FREM1: variants seen among roughly 807,000 people sequenced by gnomAD.
The protein encoded by FREM1 is FRAS1 related extracellular matrix 1.
Under a neutral mutation model 210.1 loss-of-function variants are expected in FREM1, and 220 were observed. The ratio of observed to expected loss-of-function variants is 1.05; its 90% confidence interval spans 0.94 to 1.17. The LOEUF (loss-of-function observed/expected upper bound fraction) is 1.17, where lower values mean the gene tolerates loss of function less well. Ranked by LOEUF, FREM1 falls within the 50% of genes most tolerant of loss-of-function variation. The pLI is 0.00. For synonymous variants in FREM1, 1,189 were observed against 980.2 expected, an observed-to-expected ratio of 1.21 and a Z score of -3.98; for missense variants, 3,454 against 2,675.5, an observed-to-expected ratio of 1.29 and a Z score of -6.42.
intron 14 of FREM1, among the ~76,000 whole-genome samples, chr9:14,817,163 G>C (rs1314880597): frequency 6.6e-6 from 1 of 152,214 alleles, no homozygotes; most frequent in African/African-American, 2.4e-5. Flanking sequence ...GAACCATTTG[G>C]TATAGGTCTG....
chr9:14,844,193 G>A (rs184418733), intron 8 of FREM1, among the ~76,000 whole-genome samples: 65 of 150,372 alleles, frequency 4.3e-4, no homozygotes, highest in African/African-American at 1.6e-3. Flanking sequence ...AATAAACATT[G>A]CTTTGTTTTC....
At chr9:14,877,679 C>T (rs66925748) in intron 1 of FREM1, among the ~76,000 whole-genome samples, 1 of 151,694 alleles carries the variant, frequency 6.6e-6, no homozygotes, top group Non-Finnish European at 1.5e-5. Flanking sequence ...ATGGATTCTA[C>T]TGTCACAAGG....
intron 2 of FREM1, among the ~76,000 whole-genome samples, chr9:14,867,508 T>A (rs1056549323): frequency 6.6e-6 from 1 of 152,190 alleles, no homozygotes; most frequent in African/African-American, 2.4e-5. Flanking sequence ...TACTACCACA[T>A]CAGAAATACC....
intron 13 of FREM1, among the ~76,000 whole-genome samples, chr9:14,822,317 G>C (rs1172520500): frequency 2.0e-5 from 3 of 152,102 alleles, no homozygotes; most frequent in Non-Finnish European, 2.9e-5. Flanking sequence ...AGGCCCTCAG[G>C]GTAAGACCTC....
Position 14,819,401 on chromosome 9 carries a change from G to A in FREM1, c.2379C>T (p.Ser793=), listed in dbSNP as rs377209605. 17 of 1,613,406 alleles carry A rather than the reference G, an allele frequency of 1.1e-5. No individual in the cohort carries two copies. The highest frequency in any genetic ancestry group is 7.6e-6 in the Non-Finnish European group (9 of 1,179,512). The change falls in exon 14 of 37, where the codon AGC becomes AGT. Residue 793 remains serine (S), a synonymous_variant. Coordinates refer to ENST00000380880, the MANE Select transcript of FREM1 (RefSeq NM_001379081.2). ...TTAGAATGTGCTCTGTGCTGATGAT[G>A]CTTTGACCTCCCTCAGTCACTTTCA... ...NPLKVTEGGQ[S]IISTEHILIS... is the part of the protein sequence containing the mutation.
chr9:14,760,563 C>G (rs532326697), intron 27 of FREM1, among the ~76,000 whole-genome samples: 29 of 152,108 alleles, frequency 1.9e-4, no homozygotes, highest in African/African-American at 7.0e-4. Context: ...TTAGTGAGTC[C>G]AACATTTGGT....
At position 14,816,806 on chromosome 9, in the gene FREM1, T is replaced by C; in HGVS notation, c.2612A>G (p.Asn871Ser). 3.5e-6 allele frequency: 5 copies of C among 1,438,618 alleles called. No homozygotes were observed. The highest frequency in any genetic ancestry group is 4.7e-6 in the Non-Finnish European group (5 of 1,068,300). 89.1% of individuals were successfully genotyped at this position (1,438,618 alleles called of 1,614,324 possible). Residue 871 changes from asparagine to serine, a missense_variant, in exon 15 of 37, where the codon AAT becomes AGT. Physicochemically the swap from Asn to Ser is conservative, Grantham distance 46. Transcript: ENST00000380880. ...AACATGTAGTACAAATTCTGCTGAA[T>C]TTGTGCCATCGGTGACCTCCAAGAG... ...DLLLEVTDGT[N>S]SAEFVLHVEV...
chr9:14,820,855 G>C (rs977828203), intron 13 of FREM1, among the ~76,000 whole-genome samples: 19 of 152,164 alleles, frequency 1.2e-4, no homozygotes, highest in African/African-American at 3.4e-4. Flanking sequence ...TACTCAGAGA[G>C]GAGTGTTGTC....
At chr9:14,867,935 G>T (rs1203035420) in intron 2 of FREM1, among the ~76,000 whole-genome samples, 1 of 152,050 alleles carries the variant, frequency 6.6e-6, no homozygotes, top group Non-Finnish European at 1.5e-5. Flanking sequence ...TAAACCCAAT[G>T]AATTAGGAGG....
chr9:14,782,274 G>C (rs537327486), intron 24 of FREM1: 3 of 546,810 alleles, frequency 5.5e-6, no homozygotes, highest in South Asian at 1.6e-4. Flanking sequence ...CATCTAATAA[G>C]ACTTTCTCTG....
At chr9:14,812,711 G>T (rs1819619777) in intron 16 of FREM1, 101 bp downstream of exon 16, 1 of 1,229,754 alleles carries the variant, frequency 8.1e-7, no homozygotes, top group Non-Finnish European at 1.1e-6. Flanking sequence ...GTTTTTAATG[G>T]AAGTAACCAT....
chr9:14,757,516 T>C (rs760930555), intron 28 of FREM1, among the ~76,000 whole-genome samples: 8 of 152,028 alleles, frequency 5.3e-5, no homozygotes, highest in Non-Finnish European at 1.2e-4. Context: ...GATGGTGCCA[T>C]TGCACTCCAG....
chr9:14,746,435 G>A lies in FREM1; in HGVS notation c.6172C>T (p.His2058Tyr), dbSNP rs1335695724. The A allele has an allele frequency of 4.3e-6, 7 of 1,613,626 alleles. No homozygotes were observed. The highest frequency in any genetic ancestry group is 1.7e-5 in the Admixed American group (1 of 59,988). Reference protein sequence around the residue: ...VEDKSCPAGWHQHSGYCHILI... With the variant: ...VEDKSCPAGWYQHSGYCHILI... The stretch of plus-strand genomic sequence containing the variant: ...ATGTGACAGTAGCCTGAGTGCTGGT[G>A]CCACCCGGCTGGACAGGATTTGTCT... The change falls in exon 35 of 37, where the codon CAC (histidine) becomes TAC (tyrosine). Residue 2058 changes from histidine (H) to tyrosine (Y), a missense_variant. Physicochemically the swap from His to Tyr is moderately conservative, Grantham distance 83. Coordinates refer to ENST00000380880, the MANE Select transcript of FREM1 (RefSeq NM_001379081.2).
chr9:14,743,050 A>T (rs895182411), intron 35 of FREM1, among the ~76,000 whole-genome samples: 2 of 152,168 alleles, frequency 1.3e-5, no homozygotes, highest in Non-Finnish European at 2.9e-5. Context: ...AAGCTAATGC[A>T]TGTGAAACAA....
At chr9:14,900,526 G>T (rs751516206) in intron 1 of FREM1, among the ~76,000 whole-genome samples, 2 of 152,226 alleles carry the variant, frequency 1.3e-5, no homozygotes, top group Non-Finnish European at 1.5e-5. Flanking sequence ...CCGCCTCCAA[G>T]AACAGCACTA....
At chr9:14,884,167 T>C (rs537327413) in intron 1 of FREM1, among the ~76,000 whole-genome samples, 1 of 152,078 alleles carries the variant, frequency 6.6e-6, no homozygotes, top group East Asian at 1.9e-4. Context: ...AGGCGGAGGT[T>C]GCAGTGAGCC....
At chr9:14,767,660 T>A (rs1846680459) in intron 27 of FREM1, among the ~76,000 whole-genome samples, 1 of 152,218 alleles carries the variant, frequency 6.6e-6, no homozygotes, top group African/African-American at 2.4e-5. Context: ...CCACTATTCA[T>A]AACCTTGCTT....
At chr9:14,829,023 C>G (rs1471387493) in intron 10 of FREM1, among the ~76,000 whole-genome samples, 5 of 152,166 alleles carry the variant, frequency 3.3e-5, no homozygotes, top group African/African-American at 1.2e-4. Context: ...TTATAAGGAT[C>G]AAATATTACT....
intron 24 of FREM1, among the ~76,000 whole-genome samples, chr9:14,780,301 G>A (rs1204062216): frequency 6.6e-6 from 1 of 151,962 alleles, no homozygotes; most frequent in Admixed American, 6.6e-5. Context: ...TGCCTGCCTG[G>A]TCTGATTTCA....
Sources: gnomAD v4.1 joint callset for allele counts (sites outside exome capture counted in the v4.1 genomes callset) on GRCh38, gnomAD v4.1.1 for gene constraint, MANE v1.5 for transcripts, NCBI Gene and HGNC (gene_info 2026-07-23, HGNC 2026-07-21) for gene names.